The following ASMT variants were observed in gnomAD, a reference collection of about 807,000 sequenced individuals.
The protein encoded by ASMT is acetylserotonin N-methyltransferase.
Under a neutral mutation model 41.3 loss-of-function variants are expected in ASMT, and 53 were observed. The ratio of observed to expected loss-of-function variants is 1.28; its 90% CI spans 1.03 to 1.61. The LOEUF is 1.61. ASMT is among the 40% of genes most tolerant of loss of function. ASMT has a pLI of 0.00. For missense variants in ASMT, 531 were observed against 441.3 expected, an observed-to-expected ratio of 1.20 and a Z score of -1.82; for synonymous variants, 231 against 184.8, an observed-to-expected ratio of 1.25 and a Z score of -2.03.
At chrX:1,620,444 A>G (rs1474578579) in intron 1 of ASMT, among the ~76,000 whole-genome samples, 1 of 151,934 alleles carries the variant, frequency 6.6e-6, no homozygotes, top group Non-Finnish European at 1.5e-5. Flanking sequence ...CTGGGATGAC[A>G]GGTGTGAGCC....
intron 7 of ASMT, among the ~76,000 whole-genome samples, chrX:1,633,960 A>G (rs1442881182): frequency 6.6e-6 from 1 of 151,860 alleles, no homozygotes; most frequent in Non-Finnish European, 1.5e-5. Context: ...TTTAGTAGAG[A>G]TGGGGTTTCA....
At chrX:1,617,254 G>C (rs1322413464) in intron 1 of ASMT, among the ~76,000 whole-genome samples, 1 of 151,722 alleles carries the variant, frequency 6.6e-6, no homozygotes, top group Non-Finnish European at 1.5e-5. Flanking sequence ...CGGATCACTT[G>C]AGGTCAGGAG....
intron 3 of ASMT, among the ~76,000 whole-genome samples, chrX:1,625,848 GA>G (rs1475214345): frequency 3.4e-4 from 52 of 151,328 alleles, no homozygotes; most frequent in Admixed American, 7.9e-4. Flanking sequence ...CAGCTACTCG[GA>G]GAGGCTGAGG....
rs757934789 is a variant in ASMT, at chrX:1,629,393, T to C, written c.444-428T>C. ...CCGCCTCTGTGTCCACCTATCCTTC[T>C]TGGCTCCATCTCACCTGCCTCCCTT... On this transcript the variant is annotated intron_variant, in intron 4 of 8. Transcript: ENST00000381241. Among the ~76,000 whole-genome samples, 56 of 152,204 alleles carry C rather than the reference T, an allele frequency of 3.7e-4. No homozygotes were observed. The Middle Eastern group carries it at 0.014, about 37-fold the overall frequency.
chrX:1,616,307 C>G (rs1235348448), intron 1 of ASMT, among the ~76,000 whole-genome samples: 9 of 151,440 alleles, frequency 5.9e-5, no homozygotes, highest in Admixed American at 5.9e-4. Context: ...ATTTCTTCTT[C>G]TCACAGAATA....
rs181456507 is a variant in ASMT, at chrX:1,642,359, G to C, written c.911-444G>C. The stretch of plus-strand genomic sequence containing the variant: ...GGGCACAACCTCTGTGTGTATAATG[G>C]GGACAGTGTCCCAGTGTCCTGTGAG... On this transcript the variant is annotated intron_variant, in intron 8 of 8. Transcript: ENST00000381241. 2.0e-5 allele frequency among the ~76,000 whole-genome samples: 3 copies of C among 149,388 alleles called. No individual in the cohort carries two copies. The East Asian group carries it at 5.9e-4, about 29-fold the overall frequency.
chrX:1,629,998 G>A, intron 5 of ASMT, 59 bp downstream of exon 5: 3 of 1,379,140 alleles, frequency 2.2e-6, no homozygotes, highest in Non-Finnish European at 3.1e-6. Flanking sequence ...TATGGGGAAT[G>A]TGTTATTCAT....
At chrX:1,635,963 C>CTTTTTT (rs756873361) in intron 7 of ASMT, among the ~76,000 whole-genome samples, 3 of 141,988 alleles carry the variant, frequency 2.1e-5, no homozygotes, top group Non-Finnish European at 3.1e-5. Context: ...TATTTTCTTT[C>CTTTTTT]TTTTTTTTTT....
intron 4 of ASMT, chrX:1,628,010 T>C: frequency 1.7e-6 from 1 of 599,966 alleles, no homozygotes. Flanking sequence ...ACTCACAAAC[T>C]CAGTGTTTAT....
chrX:1,632,686 C>A lies in ASMT; in HGVS notation c.563-18C>A, dbSNP rs768004108. 61 of 179,512 alleles carry A rather than the reference C, an allele frequency of 3.4e-4. 1 individual carries two copies. In the South Asian group the frequency reaches 6.9e-3, roughly 20 times the overall value. 11.1% of individuals were successfully genotyped at this position (179,512 alleles called of 1,614,324 possible). A position where few individuals can be genotyped will look rare whatever the true frequency, so the allele number is the denominator to read the frequency against. ...AAATAAATTAATAAATAAAAGGATG[C>A]GTTCATGTCCTTTGCAGGGACATGG... On this transcript the variant is annotated intron_variant, in intron 5 of 8. Transcript: ENST00000381241.
At position 1,643,064 on chromosome X, in the gene ASMT, T is replaced by G. The variant is rs1393624734; in HGVS notation, c.*50T>G. 1.0e-5 allele frequency: 16 copies of G among 1,578,712 alleles called. No homozygotes were observed. Among genetic ancestry groups the G allele is most frequent in the Non-Finnish European group, 1.4e-5 (16 of 1,148,046 alleles). On this transcript the variant is annotated 3_prime_UTR_variant, in exon 9 of 9. Coordinates refer to ENST00000381241, the MANE Select transcript of ASMT (RefSeq NM_001171038.2). Reference sequence around the variant, plus strand: ...CGTCAAAGCACACAAGACATAATAATAAAGACATGTACCTCCAGTGGCTTC... The same window carrying G: ...CGTCAAAGCACACAAGACATAATAAGAAAGACATGTACCTCCAGTGGCTTC...
At chrX:1,617,685 G>A (rs1267452427) in intron 1 of ASMT, among the ~76,000 whole-genome samples, 5 of 149,868 alleles carry the variant, frequency 3.3e-5, no homozygotes, top group East Asian at 2.0e-4. Flanking sequence ...GCGCTATCTC[G>A]GCTCACTGCA....
intron 5 of ASMT, among the ~76,000 whole-genome samples, chrX:1,631,540 G>C (rs1934776669): frequency 6.6e-6 from 1 of 152,080 alleles, no homozygotes. Flanking sequence ...GCTTCTCCAA[G>C]TTTATTACTT....
rs1569384128 is a variant in ASMT, at chrX:1,636,905, CACAGCCTCTGTGT to C, written c.910+346_910+358del. ...TCCTGATGGTTCATGAGGATGTGGG[CACAGCCTCTGTGT>C]GTGATGGGGACAGTGTCCCAGCTCT... On this transcript the variant is annotated intron_variant, in intron 8 of 8. Transcript: ENST00000381241. 8.9e-4 allele frequency among the ~76,000 whole-genome samples: 127 copies of C among 143,072 alleles called. 1 individual carries two copies. The highest frequency in any genetic ancestry group is 2.7e-3 in the African/African-American group (107 of 39,190). 93.9% of individuals were successfully genotyped at this position (143,072 alleles called of 152,430 possible).
chrX:1,624,246 C>T (rs779838860), intron 2 of ASMT, 23 bp from the exon 3 acceptor site: 6 of 1,613,712 alleles, frequency 3.7e-6, no homozygotes, highest in African/African-American at 2.7e-5. Context: ...TGCTTTTTCC[C>T]TGTTTTTTTG....
At chrX:1,633,389 T>A in intron 7 of ASMT, 99 bp downstream of exon 7, 1 of 1,495,186 alleles carries the variant, frequency 6.7e-7, no homozygotes, top group Non-Finnish European at 9.3e-7. Context: ...GTGGTTTTCC[T>A]CTCACTCCCG....
At chrX:1,621,325 A>T in intron 1 of ASMT, among the ~76,000 whole-genome samples, 1 of 149,018 alleles carries the variant, frequency 6.7e-6, no homozygotes, top group African/African-American at 2.5e-5. Flanking sequence ...TTCTTGTTTT[A>T]TTTTTTTTTT....
At chrX:1,616,461 G>C (rs1438685961) in intron 1 of ASMT, among the ~76,000 whole-genome samples, 10 of 151,432 alleles carry the variant, frequency 6.6e-5, no homozygotes, top group Non-Finnish European at 1.5e-4. Flanking sequence ...TGCGGAGGGA[G>C]TGTTTAACGG....
rs182272413 is a variant in ASMT, at chrX:1,615,235, T to C, written c.36T>C (p.Leu12=). 3 of 1,599,336 alleles carry C rather than the reference T, an allele frequency of 1.9e-6. No homozygotes were observed. The highest frequency in any genetic ancestry group is 1.7e-4 in the Middle Eastern group (1 of 6,036). The change falls in exon 1 of 9, where the codon CTT becomes CTC. Residue 12 remains leucine, a synonymous_variant. Coordinates refer to ENST00000381241, the MANE Select transcript of ASMT (RefSeq NM_001171038.2). ...GSSEDQAYRL[L]NDYANGFMVS... Reference sequence around the variant, plus strand: ...CAGAGGACCAGGCCTATCGCCTCCTTAATGACTACGCCAACGGCTTCATGG... The same window carrying C: ...CAGAGGACCAGGCCTATCGCCTCCTCAATGACTACGCCAACGGCTTCATGG...
Sources: gnomAD v4.1 joint callset for allele counts (sites outside exome capture counted in the v4.1 genomes callset) on GRCh38, gnomAD v4.1.1 for gene constraint, MANE v1.5 for transcripts, NCBI Gene and HGNC (gene_info 2026-07-23, HGNC 2026-07-21) for gene names.